Variants in DTNBP1 observed in about 807,000 individuals in gnomAD.
DTNBP1 encodes dysbindin.
In DTNBP1, 35 loss-of-function variants were observed where a neutral mutation model predicts 42.8. That is an observed-to-expected ratio of 0.82 (90% confidence interval 0.63 to 1.09). The LOEUF (loss-of-function observed/expected upper bound fraction) is 1.09. Ranked by LOEUF, DTNBP1 falls within the 50% of genes least tolerant of loss-of-function variation. DTNBP1 has a pLI of 0.00. For missense variants in DTNBP1, 457 were observed against 424.2 expected (o/e 1.08, Z -0.68); for synonymous variants, 171 against 162.2 (o/e 1.05, Z -0.41).
chr6:15,589,520 C>T (rs1776211251), intron 7 of DTNBP1, among the ~76,000 whole-genome samples: 1 of 152,240 alleles, frequency 6.6e-6, no homozygotes, highest in Admixed American at 6.5e-5. Context: ...ACCATGCCTG[C>T]TGGCCCATCT....
At chr6:15,610,321 T>TA (rs1204227006) in intron 6 of DTNBP1, among the ~76,000 whole-genome samples, 1 of 152,180 alleles carries the variant, frequency 6.6e-6, no homozygotes, top group African/African-American at 2.4e-5. Context: ...ACAAGCCCCA[T>TA]AAATGTTGTA....
At chr6:15,567,295 A>G (rs1775135424) in intron 7 of DTNBP1, among the ~76,000 whole-genome samples, 1 of 152,008 alleles carries the variant, frequency 6.6e-6, no homozygotes, top group African/African-American at 2.4e-5. Context: ...TCTCTTAAAA[A>G]AAAAAAAATT....
At chr6:15,523,709 T>A (rs982468768) in intron 9 of DTNBP1, 1 of 1,287,174 alleles carries the variant, frequency 7.8e-7, no homozygotes. Context: ...TCACTGTTTC[T>A]AAATCTTCCC....
intron 7 of DTNBP1, among the ~76,000 whole-genome samples, chr6:15,563,843 C>A (rs1382006678): frequency 6.6e-6 from 1 of 152,082 alleles, no homozygotes; most frequent in Non-Finnish European, 1.5e-5. Context: ...CCGAGGTTCC[C>A]GCGGTGGAAC....
intron 7 of DTNBP1, among the ~76,000 whole-genome samples, chr6:15,558,942 G>A (rs560056279): frequency 3.3e-4 from 51 of 152,292 alleles, no homozygotes; most frequent in African/African-American, 1.2e-3. Flanking sequence ...CACTTTATGT[G>A]TTTTTGCTAA....
intron 7 of DTNBP1, among the ~76,000 whole-genome samples, chr6:15,570,200 A>C (rs985796067): frequency 6.6e-6 from 1 of 151,804 alleles, no homozygotes; most frequent in African/African-American, 2.4e-5. Flanking sequence ...ATTTACCCAC[A>C]CTCATCAAAG....
intron 3 of DTNBP1, among the ~76,000 whole-genome samples, chr6:15,645,327 C>T (rs1407171163): frequency 6.6e-6 from 1 of 151,962 alleles, no homozygotes. Context: ...AAGCCCTAGA[C>T]CAGATGGATT....
At chr6:15,662,267 G>A (rs1396371757) in intron 1 of DTNBP1, among the ~76,000 whole-genome samples, 1 of 152,260 alleles carries the variant, frequency 6.6e-6, no homozygotes, top group African/African-American at 2.4e-5. Context: ...ACGGGGAGGG[G>A]CGGCCAGCCT....
At chr6:15,546,391 A>G (rs995817500) in intron 7 of DTNBP1, among the ~76,000 whole-genome samples, 1 of 151,974 alleles carries the variant, frequency 6.6e-6, no homozygotes, top group African/African-American at 2.4e-5. Flanking sequence ...AATGCTGAGA[A>G]TCTATTTTTA....
In DTNBP1 at chr6:15,627,493, G is replaced by T; in HGVS notation, c.223-18C>A. The T allele has an allele frequency of 6.2e-7, 1 of 1,613,556 alleles. No individual in the cohort carries two copies. Among genetic ancestry groups the T allele is most frequent in the Middle Eastern group, 1.7e-4 (1 of 6,058 alleles). On this transcript the variant is annotated intron_variant, in intron 4 of 9. Coordinates refer to ENST00000344537, the MANE Select transcript of DTNBP1 (RefSeq NM_032122.5). ...TCCACCAGCTGCAGCACACAAGAAG[G>T]GGGGTAAAGTGAAACCAGGTTTTAG...
chr6:15,606,471 CTAAA>C (rs1446055998), intron 6 of DTNBP1, among the ~76,000 whole-genome samples: 1 of 152,110 alleles, frequency 6.6e-6, no homozygotes, highest in East Asian at 1.9e-4. Flanking sequence ...ATGCTGGCCC[CTAAA>C]TAGTCTGATG....
At chr6:15,608,121 C>T (rs1488879259) in intron 6 of DTNBP1, among the ~76,000 whole-genome samples, 1 of 152,110 alleles carries the variant, frequency 6.6e-6, no homozygotes, top group Admixed American at 6.5e-5. Flanking sequence ...TCCCCCATCT[C>T]CCCAGCAAGT....
chr6:15,567,457 GAAACAAAC>G (rs59351095), intron 7 of DTNBP1, among the ~76,000 whole-genome samples: 83,681 of 149,890 alleles, frequency 0.56, 23,509 homozygotes, highest in East Asian at 0.75. Context: ...TGTCTCTCGG[GAAACAAAC>G]AAACAAACAA....
intron 7 of DTNBP1, among the ~76,000 whole-genome samples, chr6:15,558,917 T>G (rs968662639): frequency 6.6e-6 from 1 of 152,252 alleles, no homozygotes; most frequent in Non-Finnish European, 1.5e-5. Context: ...ATAGGTCATT[T>G]TAATGGGCAT....
chr6:15,574,368 A>G (rs1369147993), intron 7 of DTNBP1, among the ~76,000 whole-genome samples: 1 of 152,236 alleles, frequency 6.6e-6, no homozygotes, highest in African/African-American at 2.4e-5. Context: ...ACCGGATTTC[A>G]GTATATGCAG....
At chr6:15,637,114 G>A (rs1760074500) in intron 4 of DTNBP1, among the ~76,000 whole-genome samples, 1 of 151,992 alleles carries the variant, frequency 6.6e-6, no homozygotes, top group African/African-American at 2.4e-5. Flanking sequence ...AAGAAAATCA[G>A]TCTAAATTTA....
At chr6:15,662,710 G>A in intron 1 of DTNBP1, 104 bp downstream of exon 1, 2 of 1,504,490 alleles carry the variant, frequency 1.3e-6, no homozygotes, top group Admixed American at 3.4e-5. Context: ...GTGCGGGACA[G>A]GACGGACCCT....
At position 15,652,113 on chromosome 6, in the gene DTNBP1, TCTTGA is replaced by T. The variant is rs757126788; in HGVS notation, c.79_83del (p.Ser27ArgfsTer25). ...TGGGTTTGCTTTTCACTTTTGCTTCTCTTGACTTGTCACTTAAAGTCTTCAGCCTA... is the reference window on the plus strand; with the variant it reads ...TGGGTTTGCTTTTCACTTTTGCTTCTCTTGTCACTTAAAGTCTTCAGCCTA... On this transcript the variant is annotated frameshift_variant, in exon 2 of 10. Coordinates refer to ENST00000344537, the MANE Select transcript of DTNBP1 (RefSeq NM_032122.5). LOFTEE classifies it high-confidence loss of function. The T allele has an allele frequency of 3.2e-5, 52 of 1,612,732 alleles. 1 individual carries two copies. In the Admixed American group the frequency reaches 6.3e-4, roughly 20 times the overall value.
chr6:15,531,883 C>T (rs555576554), intron 8 of DTNBP1, among the ~76,000 whole-genome samples: 188 of 152,358 alleles, frequency 1.2e-3, no homozygotes, highest in African/African-American at 4.3e-3. Context: ...CCACCCACTT[C>T]GGCCTCCCAA....
Sources: allele counts gnomAD v4.1 joint callset (sites outside exome capture counted in the v4.1 genomes callset), GRCh38; gene constraint gnomAD v4.1.1; transcripts MANE v1.5; gene names NCBI Gene and HGNC (gene_info 2026-07-23, HGNC 2026-07-21).